The following SYNJ1 variants were observed in gnomAD, a reference collection of about 807,000 sequenced individuals.
The protein encoded by SYNJ1 is polyphosphatidylinositol phosphatase SYNJ1.
SYNJ1 carries 78 observed loss-of-function variants against 168.2 expected under a neutral mutation model. That is an observed-to-expected ratio of 0.46 (90% confidence interval 0.39 to 0.56). The LOEUF is 0.56. SYNJ1 is among the 20% of genes least tolerant of loss of function. The probability of loss-of-function intolerance (pLI) is 0.00; values close to 1 mark genes in which losing one functional copy is unlikely to be tolerated. For synonymous variants in SYNJ1, 539 were observed against 548.6 expected, an observed-to-expected ratio of 0.98 and a Z score of 0.24; for missense variants, 1,303 against 1,597.6, an observed-to-expected ratio of 0.82 and a Z score of 3.14.
intron 2 of SYNJ1, among the ~76,000 whole-genome samples, chr21:32,711,381 G>A (rs545893762): frequency 6.6e-6 from 1 of 150,640 alleles, no homozygotes; most frequent in South Asian, 2.1e-4. Context: ...TCGCCAGGCT[G>A]GAGTGCAGTG....
intron 15 of SYNJ1, among the ~76,000 whole-genome samples, chr21:32,669,869 G>A (rs1459972065): frequency 6.6e-6 from 1 of 152,172 alleles, no homozygotes; most frequent in Non-Finnish European, 1.5e-5. Context: ...GTAGATGTAA[G>A]AATCTGGCTG....
At chr21:32,688,502 T>TCC (rs2041911229) in intron 6 of SYNJ1, 135 bp from the exon 7 acceptor site, 2 of 693,698 alleles carry the variant, frequency 2.9e-6, no homozygotes, top group Non-Finnish European at 4.4e-6. Flanking sequence ...CCATTCATGA[T>TCC]ATGCTTTTAA....
intron 28 of SYNJ1, 42 bp downstream of exon 28, chr21:32,642,053 G>T (rs374418060): frequency 1.1e-5 from 17 of 1,613,286 alleles, no homozygotes; most frequent in Middle Eastern, 1.6e-4. Flanking sequence ...CTATTTCACG[G>T]TCCAGTTTTA....
chr21:32,632,170 T>C (rs1229855655), intron 32 of SYNJ1, among the ~76,000 whole-genome samples: 1 of 152,240 alleles, frequency 6.6e-6, no homozygotes, highest in Non-Finnish European at 1.5e-5. Flanking sequence ...TTATAACTTA[T>C]GCTAAATCTA....
chr21:32,691,413 A>T (rs2042022585), intron 6 of SYNJ1, among the ~76,000 whole-genome samples: 1 of 152,132 alleles, frequency 6.6e-6, no homozygotes, highest in Admixed American at 6.5e-5. Flanking sequence ...TTCCTGTACA[A>T]CCTGCAGAAC....
At chr21:32,718,453 C>T (rs763261743) in intron 2 of SYNJ1, among the ~76,000 whole-genome samples, 1 of 152,142 alleles carries the variant, frequency 6.6e-6, no homozygotes, top group Non-Finnish European at 1.5e-5. Flanking sequence ...AATAAATATG[C>T]ACCTTCCAAA....
At chr21:32,660,453 G>C (rs1194652692) in intron 18 of SYNJ1, among the ~76,000 whole-genome samples, 1 of 152,216 alleles carries the variant, frequency 6.6e-6, no homozygotes, top group African/African-American at 2.4e-5. Flanking sequence ...CAGTATCAGA[G>C]AGCCTGGTCA....
At position 32,656,737 on chromosome 21, in the gene SYNJ1, A is replaced by C. The variant is rs2040472186; in HGVS notation, c.2745T>G (p.Ile915Met). Residue 915 changes from isoleucine to methionine, a missense_variant, in exon 21 of 33, where the codon ATT (isoleucine) becomes ATG (methionine). Around this residue, in one of 2 missense-constraint regions of SYNJ1, gnomAD observed 920 missense variants for 1,208.8 expected, o/e 0.76. Coordinates refer to ENST00000674351, the MANE Select transcript of SYNJ1 (RefSeq NM_203446.3). ...PENNFFDDAL[I>M]DELLQQFASF... ...TTGCAAACTGCTGCAGAAGCTCATC[A>C]ATCAAGGCATCATCAAAAAAATTAT... is the stretch of plus-strand genomic sequence containing the variant. The C allele has an allele frequency of 1.2e-6, 2 of 1,614,074 alleles. No individual in the cohort carries two copies. The highest frequency in any genetic ancestry group is 1.7e-6 in the Non-Finnish European group (2 of 1,179,986).
intron 18 of SYNJ1, among the ~76,000 whole-genome samples, chr21:32,661,577 A>C (rs1361850417): frequency 1.3e-5 from 2 of 152,176 alleles, no homozygotes; most frequent in African/African-American, 4.8e-5. Flanking sequence ...TTGGTACAGA[A>C]GACAGCAAAG....
intron 6 of SYNJ1, among the ~76,000 whole-genome samples, chr21:32,691,155 G>C (rs532811805): frequency 4.6e-5 from 7 of 152,286 alleles, no homozygotes; most frequent in African/African-American, 1.7e-4. Flanking sequence ...TGAAGGTGGG[G>C]TCTGGTGGGA....
Position 32,702,044 on chromosome 21 carries a change from G to T in SYNJ1, c.128C>A (p.Ser43Tyr). 6.5e-7 allele frequency: 1 copy of T among 1,548,294 alleles called. No homozygotes were observed. The highest frequency in any genetic ancestry group is 8.8e-7 in the Non-Finnish European group (1 of 1,137,874). The change falls in exon 3 of 33, where the codon TCT (serine) becomes TAT (tyrosine). Residue 43 changes from serine (S) to tyrosine (Y), a missense_variant. Coordinates refer to ENST00000674351, the MANE Select transcript of SYNJ1 (RefSeq NM_203446.3). ...ACCCTTGATTGCCTCTTTTTCTGCA[G>T]ATGCTACAAAAAAAAGTTTTAGTTT... ...FESGAVAVLS[S>Y]AEKEAIKGTY...
At position 32,678,631 on chromosome 21, in the gene SYNJ1, T is replaced by A; in HGVS notation, c.1510+14A>T. 1 of 1,569,178 alleles carries A rather than the reference T, an allele frequency of 6.4e-7. No homozygotes were observed. Among genetic ancestry groups the A allele is most frequent in the African/African-American group, 1.4e-5 (1 of 72,014 alleles). Reference sequence around the variant, plus strand: ...AGGAATATAAATAACAAATAAAATATAAAGTGCACATACCACGCAAACTTC... The same window carrying A: ...AGGAATATAAATAACAAATAAAATAAAAAGTGCACATACCACGCAAACTTC... On this transcript the variant is annotated intron_variant, in intron 12 of 32. Coordinates refer to ENST00000674351, the MANE Select transcript of SYNJ1 (RefSeq NM_203446.3).
chr21:32,631,021 G>T lies in SYNJ1; in HGVS notation c.*784C>A, dbSNP rs776747094. 6.2e-7 allele frequency: 1 copy of T among 1,613,930 alleles called. No individual in the cohort carries two copies. The highest frequency in any genetic ancestry group is 8.5e-7 in the Non-Finnish European group (1 of 1,179,898). The stretch of plus-strand genomic sequence containing the variant: ...TATCTTTCTGTAAAGTCCAGTGTGG[G>T]TGAAGCCTTAGAGGCCAAGGTCGTG... On this transcript the variant is annotated 3_prime_UTR_variant, in exon 33 of 33. Coordinates refer to ENST00000674351, the MANE Select transcript of SYNJ1 (RefSeq NM_203446.3).
At position 32,690,759 on chromosome 21, in the gene SYNJ1, C is replaced by G. The variant is rs149564912; in HGVS notation, c.790-2392G>C. Among the ~76,000 whole-genome samples the G allele has an allele frequency of 8.2e-3, 1,253 of 152,116 alleles. 29 individuals carry two copies. The highest frequency in any genetic ancestry group is 0.029 in the African/African-American group (1,202 of 41,482). Reference sequence around the variant, plus strand: ...CCAACATGGTGAAACCTTGTCTCTACTAAAATACAAAAATTAGCTGGGCAT... The same window carrying G: ...CCAACATGGTGAAACCTTGTCTCTAGTAAAATACAAAAATTAGCTGGGCAT... On this transcript the variant is annotated intron_variant, in intron 6 of 32. Transcript: ENST00000674351.
In SYNJ1 at chr21:32,657,016, T is replaced by G; in HGVS notation, c.2566A>C (p.Thr856Pro). 11 of 1,614,106 alleles carry G rather than the reference T, an allele frequency of 6.8e-6. No individual in the cohort carries two copies. The highest frequency in any genetic ancestry group is 9.3e-6 in the Non-Finnish European group (11 of 1,180,000). ...GACTGCTTAAACCTGTGGTCAGAAG[T>G]CTTCAGCTCAGCTCTTCCATAGTGC... ...LLHYGRAELK[T>P]SDHRPVVALI... Residue 856 changes from threonine to proline, a missense_variant, in exon 20 of 33, where the codon ACT (threonine) becomes CCT (proline). Around this residue, in one of 2 missense-constraint regions of SYNJ1, gnomAD observed 920 missense variants for 1,208.8 expected, o/e 0.76. Coordinates refer to ENST00000674351, the MANE Select transcript of SYNJ1 (RefSeq NM_203446.3).
rs977170996 is a variant in SYNJ1, at chr21:32,639,779, T to C, written c.3589A>G (p.Thr1197Ala). The C allele has an allele frequency of 1.6e-5, 26 of 1,612,856 alleles. No individual in the cohort carries two copies. The highest frequency in any genetic ancestry group is 2.2e-5 in the Non-Finnish European group (26 of 1,178,912). ...ATAACTCCAGCACGAGGAGGAATCG[T>C]CTACAGATAGGAAACATAACACTTG... ...GPAGYSTARP[T>A]IPPRAGVISA... Residue 1197 changes from threonine to alanine, a missense_variant and splice_region_variant, in exon 30 of 33, where the codon ACG becomes GCG. Around this residue, in one of 2 missense-constraint regions of SYNJ1, gnomAD observed 383 missense variants for 388.8 expected, o/e 0.99. Coordinates refer to ENST00000674351, the MANE Select transcript of SYNJ1 (RefSeq NM_203446.3).
At chr21:32,701,402 G>A (rs2042395219) in intron 3 of SYNJ1, among the ~76,000 whole-genome samples, 1 of 152,080 alleles carries the variant, frequency 6.6e-6, no homozygotes, top group African/African-American at 2.4e-5. Context: ...GTATCATAGT[G>A]CAAGCTCCTT....
intron 2 of SYNJ1, among the ~76,000 whole-genome samples, chr21:32,709,930 G>C (rs1050926378): frequency 3.9e-5 from 6 of 152,064 alleles, no homozygotes; most frequent in Non-Finnish European, 8.8e-5. Flanking sequence ...GGGGTGTGGT[G>C]GCTCATGCCT....
chr21:32,720,061 G>A (rs954380414), intron 2 of SYNJ1, among the ~76,000 whole-genome samples: 1 of 152,068 alleles, frequency 6.6e-6, no homozygotes, highest in Admixed American at 6.6e-5. Flanking sequence ...CCAACATGGA[G>A]AAACCCCGTC....
Sources: gnomAD v4.1 joint callset for allele counts (sites outside exome capture counted in the v4.1 genomes callset) on GRCh38, gnomAD v4.1.1 for gene constraint, gnomAD v4.1.1 regional missense constraint, MANE v1.5 for transcripts, NCBI Gene and HGNC (gene_info 2026-07-23, HGNC 2026-07-21) for gene names.